Variants in MGAT4C observed in about 807,000 individuals in gnomAD.
MGAT4C encodes alpha-1,3-mannosyl-glycoprotein 4-beta-N-acetylglucosaminyltransferase C.
MGAT4C carries 19 observed loss-of-function variants against 40.1 expected under a neutral mutation model. That is an observed-to-expected ratio of 0.47 (90% CI 0.33 to 0.70). The LOEUF (loss-of-function observed/expected upper bound fraction) is 0.70. Ranked by LOEUF, MGAT4C falls within the 30% of genes least tolerant of loss-of-function variation. MGAT4C has a pLI of 0.02. For missense variants in MGAT4C, 491 were observed against 563.2 expected (o/e 0.87, Z 1.30); for synonymous variants, 181 against 187.1 (o/e 0.97, Z 0.27).
At chr12:86,351,886 G>A (rs17289150) in intron 3 of MGAT4C, among the ~76,000 whole-genome samples, 13,906 of 152,116 alleles carry the variant, frequency 0.091, 798 homozygotes, top group Middle Eastern at 0.22. Flanking sequence ...TGGTTGATAA[G>A]TGAAAGAGGC....
chr12:86,533,388 C>T lies in MGAT4C; in HGVS notation c.-228-98123G>A, dbSNP rs1181600405. On this transcript the variant is annotated intron_variant, in intron 2 of 7. Coordinates refer to the MGAT4C transcript ENST00000548651. ...AGCCCATTCTGTGGAGAAGGAGTCA[C>T]TTGGATTGTTCAAAAGTTATTTCTC... Among the ~76,000 whole-genome samples the T allele has an allele frequency of 2.0e-5, 3 of 152,056 alleles. No homozygotes were observed. The East Asian group carries it at 5.8e-4, about 29-fold the overall frequency.
At chr12:86,673,625 C>T (rs1041986799) in intron 2 of MGAT4C, among the ~76,000 whole-genome samples, 3 of 152,028 alleles carry the variant, frequency 2.0e-5, no homozygotes, top group Non-Finnish European at 4.4e-5. Context: ...TTAATATAAA[C>T]TTGCTTTAGA....
chr12:86,078,370 G>T (rs181560747), intron 1 of MGAT4C, among the ~76,000 whole-genome samples: 59 of 152,300 alleles, frequency 3.9e-4, no homozygotes, highest in African/African-American at 1.4e-3. Context: ...TTTAGTGAGT[G>T]CCTTGATCAG....
intron 2 of MGAT4C, among the ~76,000 whole-genome samples, chr12:86,577,374 G>A (rs1960605456): frequency 6.6e-6 from 1 of 151,802 alleles, no homozygotes; most frequent in African/African-American, 2.4e-5. Context: ...GGACATCCTT[G>A]TCATGCTCCA....
At chr12:86,327,096 A>G (rs1954546481) in intron 4 of MGAT4C, among the ~76,000 whole-genome samples, 1 of 152,152 alleles carries the variant, frequency 6.6e-6, no homozygotes, top group Admixed American at 6.6e-5. Flanking sequence ...GGACTAATGC[A>G]AAACAAACTA....
At chr12:86,613,255 T>A (rs1269307844) in intron 2 of MGAT4C, among the ~76,000 whole-genome samples, 2 of 152,190 alleles carry the variant, frequency 1.3e-5, no homozygotes, top group South Asian at 4.1e-4. Context: ...GCAAAGTGAC[T>A]TATTAGCTTA....
At chr12:86,454,942 C>A (rs1957486982) in intron 2 of MGAT4C, among the ~76,000 whole-genome samples, 1 of 151,916 alleles carries the variant, frequency 6.6e-6, no homozygotes, top group Non-Finnish European at 1.5e-5. Flanking sequence ...TACATTTTTT[C>A]TTACATATTA....
At chr12:86,689,663 G>A (rs1317919547) in intron 2 of MGAT4C, among the ~76,000 whole-genome samples, 9 of 152,154 alleles carry the variant, frequency 5.9e-5, no homozygotes, top group East Asian at 1.9e-4. Context: ...AGCAAAGATC[G>A]CTGCCTTCTT....
At chr12:86,477,107 C>T (rs78290821) in intron 2 of MGAT4C, among the ~76,000 whole-genome samples, 4,148 of 150,884 alleles carry the variant, frequency 0.027, 158 homozygotes, top group African/African-American at 0.087. Context: ...TATATTTGTA[C>T]TTATTATAAG....
chr12:86,353,930 G>C (rs1278510103), intron 3 of MGAT4C, among the ~76,000 whole-genome samples: 4 of 152,096 alleles, frequency 2.6e-5, no homozygotes, highest in Admixed American at 2.0e-4. Context: ...CCGGTATTTA[G>C]AGAGTACAAG....
intron 2 of MGAT4C, among the ~76,000 whole-genome samples, chr12:86,479,903 A>G (rs1957904731): frequency 6.6e-6 from 1 of 151,842 alleles, no homozygotes; most frequent in Non-Finnish European, 1.5e-5. Flanking sequence ...CTGACTAAAC[A>G]CTGAAAAACA....
At chr12:86,546,861 G>A (rs1489513707) in intron 2 of MGAT4C, among the ~76,000 whole-genome samples, 1 of 151,952 alleles carries the variant, frequency 6.6e-6, no homozygotes, top group Non-Finnish European at 1.5e-5. Flanking sequence ...CCGCCTAAAA[G>A]CGTCATGGTA....
intron 2 of MGAT4C, among the ~76,000 whole-genome samples, chr12:86,726,503 GTTGAT>G (rs1383609101): frequency 6.6e-6 from 1 of 152,126 alleles, no homozygotes; most frequent in Non-Finnish European, 1.5e-5. Flanking sequence ...AGCAAAAATG[GTTGAT>G]TTTTTTACTG....
chr12:86,295,940 A>G (rs1406473142), intron 4 of MGAT4C, among the ~76,000 whole-genome samples: 5 of 137,230 alleles, frequency 3.6e-5, no homozygotes, highest in East Asian at 2.2e-4. Flanking sequence ...AGACATAAAG[A>G]CTCTCCAAGG....
At chr12:86,168,721 T>A (rs533841249) in intron 1 of MGAT4C, among the ~76,000 whole-genome samples, 1 of 152,264 alleles carries the variant, frequency 6.6e-6, no homozygotes, top group African/African-American at 2.4e-5. Flanking sequence ...TTATGTGTTT[T>A]CCACTGTTCC....
intron 2 of MGAT4C, among the ~76,000 whole-genome samples, chr12:86,444,587 T>C (rs1197132220): frequency 6.6e-6 from 1 of 152,200 alleles, no homozygotes; most frequent in Non-Finnish European, 1.5e-5. Flanking sequence ...GACTCTACCA[T>C]ATCGTTGCAA....
At chr12:86,837,108 G>T (rs1254924735) in intron 1 of MGAT4C, among the ~76,000 whole-genome samples, 6 of 152,080 alleles carry the variant, frequency 3.9e-5, no homozygotes, top group Non-Finnish European at 7.4e-5. Flanking sequence ...GTTATTGGGG[G>T]AGAAACCAGA....
chr12:86,591,922 C>A (rs1473989060), intron 2 of MGAT4C, among the ~76,000 whole-genome samples: 1 of 151,856 alleles, frequency 6.6e-6, no homozygotes, highest in Non-Finnish European at 1.5e-5. Context: ...TTGTTAAAAA[C>A]CAGCAAAGAC....
At chr12:85,980,942 T>A (rs1437986806) in intron 4 of MGAT4C, among the ~76,000 whole-genome samples, 1 of 152,186 alleles carries the variant, frequency 6.6e-6, no homozygotes, top group Non-Finnish European at 1.5e-5. Context: ...TTTAAATTTT[T>A]TATAGAACAC....
Sources: allele counts gnomAD v4.1 joint callset (sites outside exome capture counted in the v4.1 genomes callset), GRCh38; gene constraint gnomAD v4.1.1; transcripts MANE v1.5; gene names NCBI Gene and HGNC (gene_info 2026-07-23, HGNC 2026-07-21).